Variants in PKNOX1 observed in about 807,000 individuals in gnomAD.
PKNOX1 encodes the protein homeobox protein PKNOX1.
In PKNOX1, 15 loss-of-function variants were observed where a neutral mutation model predicts 51.9. The ratio of observed to expected loss-of-function variants is 0.29; its 90% confidence interval spans 0.19 to 0.45. The LOEUF is 0.45. Among genes scored for constraint, PKNOX1 ranks in the 20% least tolerant of loss-of-function variants. The pLI is 1.00. For missense variants in PKNOX1, 462 were observed against 547.5 expected, an observed-to-expected ratio of 0.84 and a Z score of 1.56; for synonymous variants, 219 against 211.1, an observed-to-expected ratio of 1.04 and a Z score of -0.32.
intron 7 of PKNOX1, 114 bp downstream of exon 7, chr21:43,018,344 A>G (rs1197332579): frequency 3.1e-6 from 2 of 642,132 alleles, no homozygotes; most frequent in Non-Finnish European, 5.6e-6. Context: ...TTGTGTAGCA[A>G]TTTCTGGTTT....
chr21:42,988,014 A>G (rs565228319), intron 1 of PKNOX1, among the ~76,000 whole-genome samples: 2 of 151,826 alleles, frequency 1.3e-5, no homozygotes, highest in South Asian at 4.2e-4. Flanking sequence ...TTTACAGAAA[A>G]TGTTTGCTGG....
At chr21:43,000,194 A>G (rs1348167565) in intron 1 of PKNOX1, among the ~76,000 whole-genome samples, 1 of 152,112 alleles carries the variant, frequency 6.6e-6, no homozygotes, top group Admixed American at 6.5e-5. Flanking sequence ...TCTGCCTCTT[A>G]CCCAGTTCCA....
intron 1 of PKNOX1, among the ~76,000 whole-genome samples, chr21:42,991,707 A>G (rs1452213738): frequency 6.6e-6 from 1 of 150,540 alleles, no homozygotes; most frequent in Non-Finnish European, 1.5e-5. Context: ...GCACTCCAGC[A>G]TGGGCGACAG....
chr21:43,009,218 C>T (rs887284379), intron 3 of PKNOX1, among the ~76,000 whole-genome samples: 17 of 152,150 alleles, frequency 1.1e-4, no homozygotes, highest in Admixed American at 5.9e-4. Context: ...GAGGCTGAGG[C>T]GGTTGGATCA....
At chr21:42,995,176 C>G (rs1225576259) in intron 1 of PKNOX1, among the ~76,000 whole-genome samples, 1 of 152,052 alleles carries the variant, frequency 6.6e-6, no homozygotes, top group African/African-American at 2.4e-5. Context: ...CCTGCCTAAG[C>G]CTCCCAAAGT....
Position 43,021,799 on chromosome 21 carries a change from G to A in PKNOX1, c.849+368G>A, listed in dbSNP as rs1282203891. On this transcript the variant is annotated intron_variant, in intron 8 of 10. Coordinates refer to ENST00000291547, the MANE Select transcript of PKNOX1 (RefSeq NM_004571.5). The surrounding 1 kb of genome is among the most constrained non-coding windows in gnomAD (Gnocchi z 4.6). Reference sequence around the variant, plus strand: ...TTGGATTAACAAGGAAGCTGAGATGGGTTAGAGACATCGCAGGGCCGGGTG... The same window carrying A: ...TTGGATTAACAAGGAAGCTGAGATGAGTTAGAGACATCGCAGGGCCGGGTG... Among the ~76,000 whole-genome samples the A allele has an allele frequency of 2.0e-5, 3 of 152,252 alleles. No individual in the cohort carries two copies. In the East Asian group the frequency reaches 5.8e-4, roughly 29 times the overall value.
At chr21:42,979,546 T>C (rs987845401) in intron 1 of PKNOX1, among the ~76,000 whole-genome samples, 11 of 151,998 alleles carry the variant, frequency 7.2e-5, no homozygotes, top group Non-Finnish European at 1.5e-4. Flanking sequence ...ATCGAGACCA[T>C]CCTGGCTAAC....
At chr21:42,987,106 G>C (rs1201851286) in intron 1 of PKNOX1, among the ~76,000 whole-genome samples, 1 of 151,946 alleles carries the variant, frequency 6.6e-6, no homozygotes, top group Non-Finnish European at 1.5e-5. Flanking sequence ...CTCAGGCCAG[G>C]TGCGGTGGCT....
chr21:42,990,911 A>G (rs938543457), intron 1 of PKNOX1, among the ~76,000 whole-genome samples: 9 of 152,140 alleles, frequency 5.9e-5, no homozygotes, highest in African/African-American at 2.2e-4. Context: ...CCCCGTAGAT[A>G]CGGAGGGCAC....
At chr21:43,017,058 G>C (rs1169470673) in intron 6 of PKNOX1, 51 bp downstream of exon 6, 2 of 1,193,300 alleles carry the variant, frequency 1.7e-6, no homozygotes, top group Non-Finnish European at 2.5e-6. Context: ...TGCAGAAAAT[G>C]GTCCTGTGTG....
intron 3 of PKNOX1, 151 bp from the exon 4 acceptor site, chr21:43,009,902 C>T (rs1979171605): frequency 2.2e-6 from 1 of 450,818 alleles, no homozygotes; most frequent in Non-Finnish European, 3.9e-6. Context: ...CTGTAAAAAC[C>T]GTTGAATTGC....
chr21:42,986,730 T>C (rs2059054029), intron 1 of PKNOX1, among the ~76,000 whole-genome samples: 1 of 152,046 alleles, frequency 6.6e-6, no homozygotes, highest in Non-Finnish European at 1.5e-5. Flanking sequence ...CTGGAGAAGG[T>C]ATTTTGGGAG....
chr21:42,991,979 G>C (rs11909455), intron 1 of PKNOX1, among the ~76,000 whole-genome samples: 1 of 152,140 alleles, frequency 6.6e-6, no homozygotes, highest in Non-Finnish European at 1.5e-5. Flanking sequence ...CTTTGCTCTT[G>C]CTGGAGATGC....
rs767525635 is a variant in PKNOX1 at position 43,016,901 on chromosome 21, C to T, written c.523-7C>T. On this transcript the variant is annotated splice_polypyrimidine_tract_variant and splice_region_variant and intron_variant, in intron 5 of 10. Coordinates refer to ENST00000291547, the MANE Select transcript of PKNOX1 (RefSeq NM_004571.5). ...AATTCCTTCAACATGTGTGTTCTGA[C>T]TTGCAGCAGATTCAAAGTGCCATCA... is the stretch of plus-strand genomic sequence containing the variant. 3 of 1,590,046 alleles carry T rather than the reference C, an allele frequency of 1.9e-6. No homozygotes were observed. The highest frequency in any genetic ancestry group is 1.1e-5 in the South Asian group (1 of 90,242).
At chr21:42,994,988 C>A (rs1978434239) in intron 1 of PKNOX1, among the ~76,000 whole-genome samples, 1 of 132,564 alleles carries the variant, frequency 7.5e-6, no homozygotes. Context: ...GTGGCGCAAT[C>A]TTGACTTACT....
intron 1 of PKNOX1, among the ~76,000 whole-genome samples, chr21:42,998,456 A>G (rs1000581486): frequency 1.3e-5 from 2 of 152,188 alleles, no homozygotes; most frequent in African/African-American, 4.8e-5. Context: ...CCTTCCCAAC[A>G]GTCCCCCAAA....
chr21:42,984,715 G>T (rs547467382), intron 1 of PKNOX1, among the ~76,000 whole-genome samples: 2 of 152,010 alleles, frequency 1.3e-5, no homozygotes, highest in South Asian at 2.1e-4. Context: ...TTATTTTACG[G>T]CCATGCTCTA....
At chr21:43,017,938 A>T (rs1979564971) in intron 6 of PKNOX1, 195 bp from the exon 7 acceptor site, 1 of 531,064 alleles carries the variant, frequency 1.9e-6, no homozygotes, top group East Asian at 3.1e-5. Context: ...GGCTGGTCGC[A>T]GTGCCTCACA....
chr21:42,997,134 G>A (rs1978541558), intron 1 of PKNOX1, among the ~76,000 whole-genome samples: 1 of 152,148 alleles, frequency 6.6e-6, no homozygotes, highest in African/African-American at 2.4e-5. Context: ...TCCCACCTCA[G>A]CATCCCAAAG....
Sources: allele counts gnomAD v4.1 joint callset (sites outside exome capture counted in the v4.1 genomes callset), GRCh38; gene constraint gnomAD v4.1.1; non-coding constraint Gnocchi (gnomAD v3.1); transcripts MANE v1.5; gene names NCBI Gene and HGNC (gene_info 2026-07-23, HGNC 2026-07-21).